LINS1: variants seen among roughly 807,000 people sequenced by gnomAD.
LINS1 encodes the protein protein Lines homolog 1.
A neutral mutation model predicts 41.6 loss-of-function variants in LINS1; 27 were observed. The observed-to-expected ratio is 0.65, with a 90% CI of 0.48 to 0.89. The LOEUF is 0.89. LINS1 is among the 40% of genes least tolerant of loss of function. LINS1 has a pLI of 0.00. For missense variants in LINS1, 955 were observed against 884.1 expected (o/e 1.08, Z -1.02); for synonymous variants, 336 against 312.9 (o/e 1.07, Z -0.78).
chr15:100,589,274 G>T (rs536354543), intron 1 of LINS1, among the ~76,000 whole-genome samples: 1 of 152,328 alleles, frequency 6.6e-6, no homozygotes, highest in South Asian at 2.1e-4. Context: ...TTAAACCACA[G>T]AAATAACCAA....
rs755373898 is a variant in LINS1 at position 100,569,525 on chromosome 15, C to T, written c.1987G>A (p.Ala663Thr). 2 of 1,614,216 alleles carry T rather than the reference C, an allele frequency of 1.2e-6. No individual in the cohort carries two copies. Among genetic ancestry groups the T allele is most frequent in the African/African-American group, 1.3e-5 (1 of 75,058 alleles). The part of the protein sequence containing the change: ...HQQATKEIQD[A>T]AGTSRDKKEF... Reference sequence around the variant, plus strand: ...TTTTTATCCCTGCTTGTCCCAGCTGCATCCTGAATCTCCTTAGTTGCTTGC... The same window carrying T: ...TTTTTATCCCTGCTTGTCCCAGCTGTATCCTGAATCTCCTTAGTTGCTTGC... The change falls in exon 7 of 7, where the codon GCA (alanine) becomes ACA (threonine). Residue 663 changes from alanine (A) to threonine (T), a missense_variant. Coordinates refer to ENST00000314742, the MANE Select transcript of LINS1 (RefSeq NM_001040616.3).
At chr15:100,572,755 T>C (rs1250382569) in intron 5 of LINS1, 1 of 982,526 alleles carries the variant, frequency 1.0e-6, no homozygotes, top group East Asian at 1.1e-4. Flanking sequence ...TTTTCTCAAG[T>C]AAAATGGAAG....
chr15:100,573,911 G>C lies in LINS1; in HGVS notation c.962C>G (p.Pro321Arg). ...ATGATGGTCTGGCGGCATTAAGGCA[G>C]GCACAGATCCACGACAGAGGTCTTC... Reference protein sequence around the residue: ...VGEDLCRGSVPALMPPDHHVA... With the variant: ...VGEDLCRGSVRALMPPDHHVA... Residue 321 changes from proline to arginine, a missense_variant, in exon 5 of 7, where the codon CCT becomes CGT. Coordinates refer to ENST00000314742, the MANE Select transcript of LINS1 (RefSeq NM_001040616.3). The C allele has an allele frequency of 6.2e-7, 1 of 1,614,238 alleles. No homozygotes were observed. The highest frequency in any genetic ancestry group is 8.5e-7 in the Non-Finnish European group (1 of 1,180,050).
rs989731737 is a variant in LINS1 at position 100,568,580 on chromosome 15, C to A, written c.*658G>T. On this transcript the variant is annotated 3_prime_UTR_variant, in exon 7 of 7. Coordinates refer to ENST00000314742, the MANE Select transcript of LINS1 (RefSeq NM_001040616.3). ...CTTCTCCAGACCCTGAGGGCATTGC[C>A]CTGCTGAAGCCTGAGTTTGGATTCT... The A allele has an allele frequency of 1.3e-5, 2 of 152,430 alleles. No homozygotes were observed. Among genetic ancestry groups the A allele is most frequent in the Admixed American group, 1.3e-4 (2 of 15,292 alleles). The allele number at this position is 152,430 out of a possible 1,614,324, so 9.4% of individuals were successfully genotyped here.
intron 6 of LINS1, 119 bp downstream of exon 6, chr15:100,571,775 G>A (rs2037838900): frequency 8.3e-7 from 1 of 1,203,494 alleles, no homozygotes; most frequent in Non-Finnish European, 1.2e-6. Context: ...GAAAGGAACT[G>A]CAACAGGATG....
intron 3 of LINS1, among the ~76,000 whole-genome samples, chr15:100,575,535 A>T (rs1220341281): frequency 6.6e-6 from 1 of 152,144 alleles, no homozygotes; most frequent in Non-Finnish European, 1.5e-5. Context: ...AACTCCTTAG[A>T]GACCTACAAA....
chr15:100,592,411 T>C (rs749679329), intron 1 of LINS1, among the ~76,000 whole-genome samples: 1 of 152,150 alleles, frequency 6.6e-6, no homozygotes, highest in African/African-American at 2.4e-5. Context: ...CCCTTGGTGA[T>C]AGACTCAACC....
intron 5 of LINS1, chr15:100,572,803 A>G (rs2037906284): frequency 1.1e-6 from 1 of 943,142 alleles, no homozygotes; most frequent in Non-Finnish European, 1.3e-6. Flanking sequence ...GAAATTATAT[A>G]TGTAACAATT....
rs8024825 is a variant in LINS1 at position 100,571,727 on chromosome 15, A to G, written c.1394+167T>C. 0.38 allele frequency among the ~76,000 whole-genome samples: 57,511 copies of G among 152,072 alleles called. 11,646 individuals are homozygous for G. Among genetic ancestry groups the G allele is most frequent in the Non-Finnish European group, 0.47 (31,887 of 67,970 alleles). The stretch of plus-strand genomic sequence containing the variant: ...CAGCCAGCCAGGTTTTCCTAGCGAT[A>G]CAAATGCAATCTCCTTTTCATGTAA... On this transcript the variant is annotated intron_variant, in intron 6 of 6. Coordinates refer to ENST00000314742, the MANE Select transcript of LINS1 (RefSeq NM_001040616.3).
chr15:100,593,129 C>T (rs2039108240), intron 1 of LINS1, among the ~76,000 whole-genome samples: 1 of 152,156 alleles, frequency 6.6e-6, no homozygotes, highest in Admixed American at 6.6e-5. Flanking sequence ...TTAAGAGACA[C>T]CAACAAACCC....
chr15:100,599,478 T>C (rs1313976165), intron 1 of LINS1, among the ~76,000 whole-genome samples: 1 of 152,180 alleles, frequency 6.6e-6, no homozygotes, highest in Non-Finnish European at 1.5e-5. Flanking sequence ...GAAAAACAAA[T>C]GGCCAGAAAT....
At chr15:100,600,831 T>A (rs141285520) in intron 1 of LINS1, among the ~76,000 whole-genome samples, 1 of 152,258 alleles carries the variant, frequency 6.6e-6, no homozygotes, top group African/African-American at 2.4e-5. Flanking sequence ...AGTGGTTGTA[T>A]CCAGGCCCAC....
Position 100,570,046 on chromosome 15 carries a change from T to C in LINS1, c.1466A>G (p.Tyr489Cys), listed in dbSNP as rs147857580. 41 of 1,566,512 alleles carry C rather than the reference T, an allele frequency of 2.6e-5. 1 individual carries two copies. The highest frequency in any genetic ancestry group is 2.0e-4 in the African/African-American group (15 of 73,320). Residue 489 changes from tyrosine (Y) to cysteine (C), a missense_variant, in exon 7 of 7, where the codon TAT becomes TGT. Tyr to Cys is a radical substitution (Grantham distance 194, BLOSUM62 -2). Coordinates refer to ENST00000314742, the MANE Select transcript of LINS1 (RefSeq NM_001040616.3). Reference sequence around the variant, plus strand: ...GAACAAGAAAATACAGTGAGGATTATAGCCATTTTCATGTGTGTGATGGTC... The same window carrying C: ...GAACAAGAAAATACAGTGAGGATTACAGCCATTTTCATGTGTGTGATGGTC... Reference protein sequence around the residue: ...MWDHHTHENGYNPHCIFLFFL... With the variant: ...MWDHHTHENGCNPHCIFLFFL...
chr15:100,572,003 G>C lies in LINS1; in HGVS notation c.1285C>G (p.Leu429Val), dbSNP rs141962847. The change falls in exon 6 of 7, where the codon CTG (leucine) becomes GTG (valine). Residue 429 changes from leucine to valine, a missense_variant. By Grantham distance (32) the Leu-to-Val change is conservative. Coordinates refer to ENST00000314742, the MANE Select transcript of LINS1 (RefSeq NM_001040616.3). ...CATTTGCACGGATTGTGTAATTGCAGAGAGGGCTGAAGATGAGGCTTTAAG... is the reference window on the plus strand; with the variant it reads ...CATTTGCACGGATTGTGTAATTGCACAGAGGGCTGAAGATGAGGCTTTAAG... ...TFLKPHLQPS[L>V]QLHNPCKWLS... 1 of 1,614,208 alleles carries C rather than the reference G, an allele frequency of 6.2e-7. No homozygotes were observed. The highest frequency in any genetic ancestry group is 8.5e-7 in the Non-Finnish European group (1 of 1,180,036).
chr15:100,576,372 T>G (rs1052323593), intron 3 of LINS1, among the ~76,000 whole-genome samples: 1 of 152,184 alleles, frequency 6.6e-6, no homozygotes, highest in Non-Finnish European at 1.5e-5. Context: ...AAATACAAAC[T>G]ACCATCAGAG....
intron 1 of LINS1, among the ~76,000 whole-genome samples, chr15:100,582,984 C>T (rs1289300340): frequency 1.2e-3 from 123 of 99,448 alleles, no homozygotes; most frequent in South Asian, 2.2e-3. Context: ...ATCTACACTA[C>T]GGCCCACTAG....
rs770374199 is a variant in LINS1 at position 100,574,067 on chromosome 15, T to C, written c.806A>G (p.His269Arg). The C allele has an allele frequency of 4.3e-6, 7 of 1,614,178 alleles. No individual in the cohort carries two copies. Among genetic ancestry groups the C allele is most frequent in the Non-Finnish European group, 1.7e-6 (2 of 1,180,000 alleles). ...LIASRIHLKLHFTCQRILFLK... is the reference protein window; with the variant it reads ...LIASRIHLKLRFTCQRILFLK... ...AAATAAAATCCTCTGGCAAGTGAAATGTAACTTCAGGTGGATTCTGGAGGC... is the reference window on the plus strand; with the variant it reads ...AAATAAAATCCTCTGGCAAGTGAAACGTAACTTCAGGTGGATTCTGGAGGC... Residue 269 changes from histidine (H) to arginine (R), a missense_variant, in exon 5 of 7, where the codon CAT becomes CGT. By Grantham distance (29) the His-to-Arg change is conservative (BLOSUM62 0). Coordinates refer to ENST00000314742, the MANE Select transcript of LINS1 (RefSeq NM_001040616.3).
chr15:100,573,516 G>A, intron 5 of LINS1, 135 bp downstream of exon 5: 1 of 645,056 alleles, frequency 1.6e-6, no homozygotes, highest in Non-Finnish European at 2.4e-6. Flanking sequence ...TTTTGAAAAT[G>A]TAATAAGTTA....
rs563639085 is a variant in LINS1, at chr15:100,594,623, A to G, written c.-104+7498T>C. On this transcript the variant is annotated intron_variant, in intron 1 of 6. Coordinates refer to ENST00000314742, the MANE Select transcript of LINS1 (RefSeq NM_001040616.3). The stretch of plus-strand genomic sequence containing the variant: ...CCTAGGTATTTTAAATGATCTCAAG[A>G]TTACTTAAAATATTTGACACGGTAC... 7.2e-5 allele frequency among the ~76,000 whole-genome samples: 11 copies of G among 152,282 alleles called. No homozygotes were observed. The South Asian group carries it at 8.3e-4, about 11-fold the overall frequency.
Sources: allele counts gnomAD v4.1 joint callset (sites outside exome capture counted in the v4.1 genomes callset), GRCh38; gene constraint gnomAD v4.1.1; transcripts MANE v1.5; gene names NCBI Gene and HGNC (gene_info 2026-07-23, HGNC 2026-07-21).